The following AMZ2 variants were observed in gnomAD, a reference collection of about 807,000 sequenced individuals.
AMZ2 encodes archaemetzincin-2.
AMZ2 carries 26 observed loss-of-function variants against 36.7 expected under a neutral mutation model. That is an observed-to-expected ratio of 0.71 (90% CI 0.52 to 0.98). The LOEUF is 0.98. AMZ2 is among the 50% of genes least tolerant of loss of function. AMZ2 has a pLI of 0.00. For missense variants in AMZ2, 394 were observed against 430.5 expected, an observed-to-expected ratio of 0.92 and a Z score of 0.75; for synonymous variants, 144 against 149.1, an observed-to-expected ratio of 0.97 and a Z score of 0.25.
At chr17:68,209,296 C>A (rs1287639500) in intron 1 of AMZ2, among the ~76,000 whole-genome samples, 1 of 151,242 alleles carries the variant, frequency 6.6e-6, no homozygotes, top group African/African-American at 2.4e-5. Context: ...TGTGCTTAAG[C>A]GATTCTCCTG....
At chr17:68,208,653 C>T (rs541164646) in intron 1 of AMZ2, among the ~76,000 whole-genome samples, 8 of 152,294 alleles carry the variant, frequency 5.3e-5, no homozygotes, top group South Asian at 2.1e-4. Context: ...TTTGTTCTTT[C>T]GCTCTTTGTG....
intron 1 of AMZ2, among the ~76,000 whole-genome samples, chr17:68,217,254 T>G (rs1245201497): frequency 6.6e-6 from 1 of 152,202 alleles, no homozygotes; most frequent in Non-Finnish European, 1.5e-5. Flanking sequence ...GAATTTTTGA[T>G]ACATTGTCGA....
At chr17:68,236,945 C>T (rs1314887987) in intron 1 of AMZ2, among the ~76,000 whole-genome samples, 1 of 152,140 alleles carries the variant, frequency 6.6e-6, no homozygotes, top group African/African-American at 2.4e-5. Flanking sequence ...ATTATATATA[C>T]ACTGCTTGGG....
rs782590175 is a variant in AMZ2 at position 68,235,036 on chromosome 17, G to A, written c.-66-13604G>A. On this transcript the variant is annotated intron_variant, in intron 1 of 7. Transcript: ENST00000674770. The surrounding 1 kb of genome is among the most constrained non-coding windows in gnomAD (Gnocchi z 4.2). ...AATCTTAAAAAAAAGAAAAAAGATA[G>A]GTAGATAGATGTATCTGCAAATGAT... is the stretch of plus-strand genomic sequence containing the variant. Among the ~76,000 whole-genome samples, 2 of 152,066 alleles carry A rather than the reference G, an allele frequency of 1.3e-5. No homozygotes were observed. Among genetic ancestry groups the A allele is most frequent in the African/African-American group, 2.4e-5 (1 of 41,408 alleles).
chr17:68,250,072 A>G (rs1452348293), intron 1 of AMZ2, 116 bp from the exon 2 acceptor site: 1 of 1,128,244 alleles, frequency 8.9e-7, no homozygotes, highest in African/African-American at 1.6e-5. Context: ...ACTCTAAAGC[A>G]TTAGCAATCA....
intron 1 of AMZ2, among the ~76,000 whole-genome samples, chr17:68,224,491 C>G (rs1163700098): frequency 6.6e-6 from 1 of 151,290 alleles, no homozygotes; most frequent in African/African-American, 2.4e-5. Flanking sequence ...TGTTAAACAT[C>G]AAATGCAGAA....
intron 1 of AMZ2, among the ~76,000 whole-genome samples, chr17:68,219,419 G>C (rs1475508010): frequency 6.6e-6 from 1 of 152,182 alleles, no homozygotes; most frequent in African/African-American, 2.4e-5. Context: ...TTCAAGGGAG[G>C]ATATCCCAAT....
rs187831078 is a variant in AMZ2 at position 68,239,409 on chromosome 17, A to G, written c.-66-9231A>G. Among the ~76,000 whole-genome samples the G allele has an allele frequency of 2.6e-5, 4 of 152,260 alleles. No homozygotes were observed. The East Asian group carries it at 7.7e-4, about 29-fold the overall frequency. On this transcript the variant is annotated intron_variant, in intron 1 of 7. Coordinates refer to the AMZ2 transcript ENST00000674770. ...CCATTTCCTCAGGGCAGTTGATATC[A>G]GCTAAGGGCCAGGGGAAAAGCAAAA...
intron 1 of AMZ2, among the ~76,000 whole-genome samples, chr17:68,209,921 C>T (rs1555725518): frequency 6.6e-6 from 1 of 151,688 alleles, no homozygotes; most frequent in African/African-American, 2.4e-5. Context: ...ACCCCAGCCC[C>T]AGTATATTCT....
intron 1 of AMZ2, among the ~76,000 whole-genome samples, chr17:68,230,021 C>G (rs2073620711): frequency 6.6e-6 from 1 of 152,146 alleles, no homozygotes; most frequent in Non-Finnish European, 1.5e-5. Context: ...AGCCCTAGAG[C>G]TTTGCAGTCT....
chr17:68,212,786 C>T (rs144946432), intron 1 of AMZ2, among the ~76,000 whole-genome samples: 455 of 152,056 alleles, frequency 3.0e-3, no homozygotes, highest in South Asian at 6.8e-3. Flanking sequence ...GTCATGTTGC[C>T]TAAACTCCTG....
chr17:68,256,905 C>G lies in AMZ2; in HGVS notation c.1019C>G (p.Pro340Arg). The G allele has an allele frequency of 1.2e-6, 2 of 1,614,132 alleles. No homozygotes were observed. Among genetic ancestry groups the G allele is most frequent in the Non-Finnish European group, 1.7e-6 (2 of 1,180,020 alleles). Residue 340 changes from proline (P) to arginine (R), a missense_variant, in exon 7 of 7, where the codon CCC (proline) becomes CGC (arginine). By Grantham distance (103) the Pro-to-Arg change is moderately radical. Coordinates refer to ENST00000359904, the MANE Select transcript of AMZ2 (RefSeq NM_016627.5). ...SHEDNGNLPK[P>R]VEAFKEWKEW... ...GAGGATAATGGGAATTTACCGAAACCCGTGGAAGCCTTTAAGGAATGGAAA... is the reference window on the plus strand; with the variant it reads ...GAGGATAATGGGAATTTACCGAAACGCGTGGAAGCCTTTAAGGAATGGAAA...
chr17:68,221,906 CAAG>C (rs1212775183), intron 1 of AMZ2, among the ~76,000 whole-genome samples: 2 of 152,058 alleles, frequency 1.3e-5, no homozygotes, highest in African/African-American at 4.8e-5. Context: ...AAAAGAAAAA[CAAG>C]AAGCAGAATG....
At chr17:68,211,810 ATATGTATGTG>A (rs1476108708) in intron 1 of AMZ2, among the ~76,000 whole-genome samples, 2 of 98,094 alleles carry the variant, frequency 2.0e-5, no homozygotes, top group Non-Finnish European at 4.9e-5. Flanking sequence ...GTATATGTAT[ATATGTATGTG>A]TATGTATATG....
At chr17:68,236,115 C>T (rs1306233260) in intron 1 of AMZ2, among the ~76,000 whole-genome samples, 1 of 152,082 alleles carries the variant, frequency 6.6e-6, no homozygotes, top group Non-Finnish European at 1.5e-5. Context: ...CAGGAATGAG[C>T]CACTGCATCT....
intron 1 of AMZ2, among the ~76,000 whole-genome samples, chr17:68,222,982 G>A (rs1482598953): frequency 6.6e-6 from 1 of 151,954 alleles, no homozygotes; most frequent in African/African-American, 2.4e-5. Context: ...GCCTTCAAGA[G>A]GAGGACAGAG....
chr17:68,217,445 T>G (rs1208974183), intron 1 of AMZ2, among the ~76,000 whole-genome samples: 2 of 152,242 alleles, frequency 1.3e-5, no homozygotes, highest in African/African-American at 4.8e-5. Flanking sequence ...GCAAATAGGA[T>G]TATCTTTTTC....
At chr17:68,254,675 T>G in intron 5 of AMZ2, 108 bp downstream of exon 5, 1 of 1,048,500 alleles carries the variant, frequency 9.5e-7, no homozygotes, top group East Asian at 2.7e-5. Flanking sequence ...GTTTGTATCA[T>G]TTGTATAATT....
intron 1 of AMZ2, chr17:68,207,005 G>A (rs2072854682): frequency 6.6e-6 from 1 of 152,208 alleles, no homozygotes; most frequent in East Asian, 1.9e-4. Context: ...GTACAAAACC[G>A]CAGGAACGCG....
Sources: gnomAD v4.1 joint callset for allele counts (sites outside exome capture counted in the v4.1 genomes callset) on GRCh38, gnomAD v4.1.1 for gene constraint, Gnocchi (gnomAD v3.1) non-coding constraint, MANE v1.5 for transcripts, NCBI Gene and HGNC (gene_info 2026-07-23, HGNC 2026-07-21) for gene names.